Variants in SIPA1L1 observed in about 807,000 individuals in gnomAD.
The protein encoded by SIPA1L1 is signal induced proliferation associated 1 like 1.
SIPA1L1 carries 26 observed loss-of-function variants against 162.7 expected under a neutral mutation model. That is an observed-to-expected ratio of 0.16 (90% CI 0.12 to 0.22). The LOEUF is 0.22. Among genes scored for constraint, SIPA1L1 ranks in the 10% least tolerant of loss-of-function variants. The pLI is 1.00. For missense variants in SIPA1L1, 1,874 were observed against 2,241.0 expected (o/e 0.84, Z 3.31); for synonymous variants, 829 against 837.4 (o/e 0.99, Z 0.17).
At chr14:71,723,572 C>T (rs1458919594) in intron 17 of SIPA1L1, 75 bp from the exon 18 acceptor site, 11 of 1,558,418 alleles carry the variant, frequency 7.1e-6, no homozygotes, top group South Asian at 5.7e-5. Flanking sequence ...AGCCATCACC[C>T]GTACCCCGGA....
At chr14:71,655,642 G>T (rs769842202) in intron 8 of SIPA1L1, among the ~76,000 whole-genome samples, 7 of 152,002 alleles carry the variant, frequency 4.6e-5, no homozygotes, top group Non-Finnish European at 7.4e-5. Context: ...GTTATTTTTT[G>T]ACTTTTGAAT....
At chr14:71,459,224 A>G (rs1429280333) in intron 2 of SIPA1L1, among the ~76,000 whole-genome samples, 2 of 152,188 alleles carry the variant, frequency 1.3e-5, no homozygotes, top group Non-Finnish European at 2.9e-5. Context: ...ACACACTTGC[A>G]GGTGATATGT....
chr14:71,376,503 C>CTT (rs34468277), intron 2 of SIPA1L1, among the ~76,000 whole-genome samples: 15 of 147,518 alleles, frequency 1.0e-4, no homozygotes, highest in South Asian at 2.2e-4. Context: ...AATCAGGCAA[C>CTT]TTTTTTTTTT....
At chr14:71,564,312 G>T in intron 4 of SIPA1L1, among the ~76,000 whole-genome samples, 1 of 149,042 alleles carries the variant, frequency 6.7e-6, no homozygotes, top group African/African-American at 2.5e-5. Flanking sequence ...TACTTTTCTT[G>T]GGTATAATGT....
At chr14:71,648,726 C>A (rs1335862969) in intron 7 of SIPA1L1, among the ~76,000 whole-genome samples, 1 of 152,190 alleles carries the variant, frequency 6.6e-6, no homozygotes, top group Non-Finnish European at 1.5e-5. Context: ...GTTTTGCTGC[C>A]AAATATGTTT....
chr14:71,739,322 T>C lies in SIPA1L1; in HGVS notation c.*161T>C, dbSNP rs1688301558. On this transcript the variant is annotated 3_prime_UTR_variant, in exon 24 of 24. Coordinates refer to ENST00000381232, the MANE Select transcript of SIPA1L1 (RefSeq NM_001386936.1). ...CAACACAATAGTTGCAGATCAACAA[T>C]CATCACCTGCCTTTTGTAGAAAAGA... The C allele has an allele frequency of 2.1e-6, 1 of 471,902 alleles. No homozygotes were observed. Among genetic ancestry groups the C allele is most frequent in the South Asian group, 9.8e-5 (1 of 10,198 alleles). 29.2% of individuals were successfully genotyped at this position (471,902 alleles called of 1,614,324 possible).
At chr14:71,408,910 C>T (rs919020868) in intron 2 of SIPA1L1, among the ~76,000 whole-genome samples, 2 of 151,974 alleles carry the variant, frequency 1.3e-5, no homozygotes, top group South Asian at 2.1e-4. Flanking sequence ...CCTTTTTAGC[C>T]CTCAAATCTC....
chr14:71,623,618 C>T (rs1386362029), intron 6 of SIPA1L1, among the ~76,000 whole-genome samples: 1 of 152,014 alleles, frequency 6.6e-6, no homozygotes, highest in Non-Finnish European at 1.5e-5. Context: ...ACTTTATCTC[C>T]CCCTTTTTAT....
rs552918989 is a variant in SIPA1L1 at position 71,563,788 on chromosome 14, G to A, written c.-302-23783G>A. 8.5e-5 allele frequency among the ~76,000 whole-genome samples: 13 copies of A among 152,164 alleles called. 1 individual carries two copies. In the South Asian group the frequency reaches 2.5e-3, roughly 29 times the overall value. On this transcript the variant is annotated intron_variant, in intron 4 of 23. Coordinates refer to ENST00000381232, the MANE Select transcript of SIPA1L1 (RefSeq NM_001386936.1). ...CACTGTTTTCTTTGTGAAAGTTTTC[G>A]TAACTCTCCAGCAATCTTAGGCAGT...
At chr14:71,428,052 G>A (rs530461045) in intron 2 of SIPA1L1, among the ~76,000 whole-genome samples, 1 of 151,648 alleles carries the variant, frequency 6.6e-6, no homozygotes, top group Non-Finnish European at 1.5e-5. Flanking sequence ...GAGTGCGGTG[G>A]TGTGATCTTG....
intron 2 of SIPA1L1, among the ~76,000 whole-genome samples, chr14:71,350,070 A>G (rs1399958096): frequency 6.6e-6 from 1 of 152,036 alleles, no homozygotes; most frequent in African/African-American, 2.4e-5. Context: ...AGATGGAGTA[A>G]AGTGATTATG....
At chr14:71,415,435 GAAAAACTGTCTTTGA>G (rs1158531223) in intron 2 of SIPA1L1, among the ~76,000 whole-genome samples, 1 of 152,092 alleles carries the variant, frequency 6.6e-6, no homozygotes, top group Non-Finnish European at 1.5e-5. Context: ...CAACACAACT[GAAAAACTGTCTTTGA>G]AAACATAACA....
At chr14:71,650,541 T>C in intron 8 of SIPA1L1, 32 bp downstream of exon 8, 5 of 1,603,002 alleles carry the variant, frequency 3.1e-6, no homozygotes, top group Non-Finnish European at 3.4e-6. Flanking sequence ...CTACTAGGCT[T>C]ATTTTCCCCC....
intron 1 of SIPA1L1, among the ~76,000 whole-genome samples, chr14:71,320,833 G>T (rs901567669): frequency 2.4e-4 from 36 of 152,046 alleles, no homozygotes; most frequent in Non-Finnish European, 7.4e-5. Context: ...CCTCGGGGAC[G>T]GCGCGAGCGG....
intron 4 of SIPA1L1, among the ~76,000 whole-genome samples, chr14:71,552,514 C>G (rs1162417815): frequency 6.6e-6 from 1 of 151,902 alleles, no homozygotes; most frequent in African/African-American, 2.4e-5. Context: ...GCCTCAGCCT[C>G]CCGAGTAGCT....
In SIPA1L1 at chr14:71,397,554, G is replaced by T. The variant is rs550907385; in HGVS notation, c.-465+76373G>T. ...GTGTGCACACATACAGGCACATATGGTTTTGATTGTGACAATTTCTAATAA... is the reference window on the plus strand; with the variant it reads ...GTGTGCACACATACAGGCACATATGTTTTTGATTGTGACAATTTCTAATAA... On this transcript the variant is annotated intron_variant, in intron 2 of 23. Transcript: ENST00000381232. Among the ~76,000 whole-genome samples, 433 of 152,196 alleles carry T rather than the reference G, an allele frequency of 2.8e-3. 3 individuals are homozygous for T. Among genetic ancestry groups the T allele is most frequent in the Non-Finnish European group, 5.3e-3 (361 of 68,008 alleles).
At chr14:71,436,201 G>T (rs996337501) in intron 2 of SIPA1L1, among the ~76,000 whole-genome samples, 9 of 152,136 alleles carry the variant, frequency 5.9e-5, no homozygotes, top group Non-Finnish European at 1.2e-4. Flanking sequence ...TTAGCACTTT[G>T]TGATAGGGGC....
chr14:71,391,103 C>CTTTTTTTTTTTTTTTTTTTT (rs36003254), intron 2 of SIPA1L1, among the ~76,000 whole-genome samples: 1 of 108,452 alleles, frequency 9.2e-6, no homozygotes, highest in Non-Finnish European at 1.8e-5. Context: ...TATTCAGTAT[C>CTTTTTTTTTTTTTTTTTTTT]TTTTTTTTTT....
chr14:71,346,550 G>A (rs113735174), intron 2 of SIPA1L1, among the ~76,000 whole-genome samples: 1 of 152,160 alleles, frequency 6.6e-6, no homozygotes, highest in Non-Finnish European at 1.5e-5. Context: ...TGGTTTCATC[G>A]AGATGTGTGG....
Sources: allele counts gnomAD v4.1 joint callset (sites outside exome capture counted in the v4.1 genomes callset), GRCh38; gene constraint gnomAD v4.1.1; transcripts MANE v1.5; gene names NCBI Gene and HGNC (gene_info 2026-07-23, HGNC 2026-07-21).